Variants in NCOA1 observed in about 807,000 individuals in gnomAD.
The protein encoded by NCOA1 is Hin-2 protein.
In NCOA1, 35 loss-of-function variants were observed where a neutral mutation model predicts 150.9. That is an observed-to-expected ratio of 0.23 (90% CI 0.18 to 0.31). The LOEUF (loss-of-function observed/expected upper bound fraction) is 0.31, where lower values mean the gene tolerates loss of function less well. Ranked by LOEUF, NCOA1 falls within the 10% of genes least tolerant of loss-of-function variation. The pLI is 1.00. For synonymous variants in NCOA1, 590 were observed against 630.0 expected (o/e 0.94, Z 0.95); for missense variants, 1,491 against 1,749.3 (o/e 0.85, Z 2.63).
At chr2:24,688,987 C>G (rs918387748) in intron 8 of NCOA1, among the ~76,000 whole-genome samples, 12 of 152,094 alleles carry the variant, frequency 7.9e-5, no homozygotes, top group African/African-American at 2.9e-4. Context: ...ATCACAGCAC[C>G]ATTTATTGAC....
intron 14 of NCOA1, among the ~76,000 whole-genome samples, chr2:24,720,983 A>G (rs1242146660): frequency 2.0e-5 from 3 of 152,150 alleles, no homozygotes; most frequent in Admixed American, 6.5e-5. Context: ...ATCCTCCTTC[A>G]CCACCTGAGA....
At chr2:24,633,563 A>G (rs1466718278) in intron 3 of NCOA1, among the ~76,000 whole-genome samples, 2 of 152,230 alleles carry the variant, frequency 1.3e-5, no homozygotes, top group Non-Finnish European at 2.9e-5. Flanking sequence ...ACCAATACTC[A>G]TTTAAAGAAT....
chr2:24,617,220 T>A (rs1668909748), intron 3 of NCOA1, among the ~76,000 whole-genome samples: 1 of 152,124 alleles, frequency 6.6e-6, no homozygotes, highest in African/African-American at 2.4e-5. Flanking sequence ...AGAAGAGTAT[T>A]CATGCCTAAT....
At chr2:24,496,472 G>C (rs774701304) in intron 1 of NCOA1, among the ~76,000 whole-genome samples, 5 of 151,988 alleles carry the variant, frequency 3.3e-5, no homozygotes, top group African/African-American at 4.8e-5. Context: ...TTATGTTCTC[G>C]TGACCTTCAA....
intron 14 of NCOA1, among the ~76,000 whole-genome samples, chr2:24,722,758 A>G (rs555902711): frequency 6.6e-6 from 1 of 152,268 alleles, no homozygotes; most frequent in South Asian, 2.1e-4. Flanking sequence ...TTCGTATGCA[A>G]CATTTTCAGT....
chr2:24,632,188 T>C (rs1396446962), intron 3 of NCOA1, among the ~76,000 whole-genome samples: 4 of 152,114 alleles, frequency 2.6e-5, no homozygotes, highest in Admixed American at 2.6e-4. Flanking sequence ...ACAAAATTTT[T>C]GAAGGGGTAG....
At chr2:24,695,344 G>A (rs1435724181) in intron 10 of NCOA1, among the ~76,000 whole-genome samples, 2 of 152,098 alleles carry the variant, frequency 1.3e-5, no homozygotes, top group Admixed American at 6.6e-5. Context: ...TTACAAATGA[G>A]GGGATGGTGA....
chr2:24,541,502 G>A (rs1306275711), intron 1 of NCOA1, among the ~76,000 whole-genome samples: 1 of 152,204 alleles, frequency 6.6e-6, no homozygotes, highest in Non-Finnish European at 1.5e-5. Context: ...ACTGGTATTT[G>A]TCATGTGCAA....
At chr2:24,602,233 GT>G (rs979442964) in intron 3 of NCOA1, among the ~76,000 whole-genome samples, 18 of 152,152 alleles carry the variant, frequency 1.2e-4, no homozygotes, top group Middle Eastern at 3.4e-3. Context: ...CAGGGTCTCA[GT>G]TTGTCTCCCA....
intron 3 of NCOA1, among the ~76,000 whole-genome samples, chr2:24,642,037 T>TGCGCGCGC (rs1553441349): frequency 5.8e-5 from 8 of 138,452 alleles, no homozygotes; most frequent in African/African-American, 2.0e-4. Context: ...TGTGTGTGTG[T>TGCGCGCGC]GCGCGCGTGC....
chr2:24,586,242 C>T (rs1161976607), intron 3 of NCOA1, among the ~76,000 whole-genome samples: 2 of 133,658 alleles, frequency 1.5e-5, no homozygotes, highest in East Asian at 2.2e-4. Context: ...TGCCACTGCA[C>T]TTCAGCCTGG....
At chr2:24,549,025 A>G (rs1572406672) in intron 1 of NCOA1, among the ~76,000 whole-genome samples, 1 of 151,660 alleles carries the variant, frequency 6.6e-6, no homozygotes, top group East Asian at 1.9e-4. Flanking sequence ...GGGGGCTCTG[A>G]CCCCCACATT....
chr2:24,716,005 G>C (rs368791297), intron 14 of NCOA1, among the ~76,000 whole-genome samples: 1 of 151,960 alleles, frequency 6.6e-6, no homozygotes, highest in Non-Finnish European at 1.5e-5. Context: ...TTAGCCGGGC[G>C]TGGTGGCAGG....
At chr2:24,704,301 A>G (rs1293024301) in intron 11 of NCOA1, among the ~76,000 whole-genome samples, 1 of 152,222 alleles carries the variant, frequency 6.6e-6, no homozygotes, top group Non-Finnish European at 1.5e-5. Context: ...TAAACTGATC[A>G]AAACTTAGTA....
intron 18 of NCOA1, 41 bp from the exon 19 acceptor site, chr2:24,741,743 T>C: frequency 6.4e-7 from 1 of 1,563,662 alleles, no homozygotes; most frequent in East Asian, 2.3e-5. Flanking sequence ...TAGATAGTGA[T>C]TATAATAATT....
At chr2:24,632,513 G>C (rs1030171760) in intron 3 of NCOA1, among the ~76,000 whole-genome samples, 8 of 152,164 alleles carry the variant, frequency 5.3e-5, no homozygotes, top group African/African-American at 1.4e-4. Flanking sequence ...TTGGCTAGTG[G>C]ACACCAGTCA....
At chr2:24,655,908 G>GA (rs1670920489) in intron 4 of NCOA1, among the ~76,000 whole-genome samples, 1 of 151,780 alleles carries the variant, frequency 6.6e-6, no homozygotes. Flanking sequence ...CTAACATGGT[G>GA]AAACCCCATC....
At chr2:24,696,683 G>A (rs994527606) in intron 10 of NCOA1, among the ~76,000 whole-genome samples, 3 of 152,070 alleles carry the variant, frequency 2.0e-5, no homozygotes, top group African/African-American at 4.8e-5. Flanking sequence ...CATGCAACAC[G>A]TGAAAGATGT....
rs566234756 is a variant in NCOA1 at position 24,516,272 on chromosome 2, A to C, written c.-396+24670A>C. On this transcript the variant is annotated intron_variant, in intron 1 of 22. Transcript: ENST00000348332. ...CAGTGGCACGATCTCGGCCCACTGC[A>C]AGCTCCGCCTCCCAGGTTCACACCA... Among the ~76,000 whole-genome samples, 4 of 139,746 alleles carry C rather than the reference A, an allele frequency of 2.9e-5. No homozygotes were observed. In the South Asian group the frequency reaches 8.8e-4, roughly 31 times the overall value. 91.7% of individuals were successfully genotyped at this position (139,746 alleles called of 152,430 possible). A position where few individuals can be genotyped will look rare whatever the true frequency, so the allele number is the denominator to read the frequency against.
Sources: allele counts gnomAD v4.1 joint callset (sites outside exome capture counted in the v4.1 genomes callset), GRCh38; gene constraint gnomAD v4.1.1; transcripts MANE v1.5; gene names NCBI Gene and HGNC (gene_info 2026-07-23, HGNC 2026-07-21).